The following SMOC2 variants were observed in gnomAD, a reference collection of about 807,000 sequenced individuals.
The protein encoded by SMOC2 is SPARC-related modular calcium-binding protein 2.
In SMOC2, 39 loss-of-function variants were observed where a neutral mutation model predicts 61.4. The ratio of observed to expected loss-of-function variants is 0.64; its 90% confidence interval spans 0.49 to 0.83. SMOC2 has a LOEUF of 0.83. SMOC2 is among the 40% of genes least tolerant of loss of function. SMOC2 has a pLI of 0.00. For synonymous variants in SMOC2, 247 were observed against 239.9 expected, an observed-to-expected ratio of 1.03 and a Z score of -0.27; for missense variants, 556 against 592.9, an observed-to-expected ratio of 0.94 and a Z score of 0.65.
At chr6:168,648,045 G>A (rs1014521094) in intron 9 of SMOC2, among the ~76,000 whole-genome samples, 1 of 149,298 alleles carries the variant, frequency 6.7e-6, no homozygotes, top group African/African-American at 2.6e-5. Flanking sequence ...ATCTCATTTG[G>A]GGGAATATGA....
At chr6:168,655,678 C>T (rs1039480995) in intron 11 of SMOC2, among the ~76,000 whole-genome samples, 1 of 151,560 alleles carries the variant, frequency 6.6e-6, no homozygotes, top group Non-Finnish European at 1.5e-5. Context: ...CTAGATTTCC[C>T]TCACACATGT....
chr6:168,497,907 A>ACACAGGGCTGG (rs1782631718), intron 1 of SMOC2, among the ~76,000 whole-genome samples: 1 of 152,106 alleles, frequency 6.6e-6, no homozygotes. Context: ...TTAGATGGAG[A>ACACAGGGCTGG]CACAGGGCTG....
At chr6:168,659,552 G>A (rs1181247019) in intron 11 of SMOC2, among the ~76,000 whole-genome samples, 25 of 137,930 alleles carry the variant, frequency 1.8e-4, no homozygotes, top group Admixed American at 2.1e-4. Flanking sequence ...TTGGCTGGGT[G>A]AGGATGGAGG....
chr6:168,581,650 A>T (rs1784921998), intron 7 of SMOC2, among the ~76,000 whole-genome samples: 1 of 152,240 alleles, frequency 6.6e-6, no homozygotes, highest in African/African-American at 2.4e-5. Context: ...TTCACTTTTG[A>T]TAAGAAAGGG....
intron 1 of SMOC2, among the ~76,000 whole-genome samples, chr6:168,457,153 C>T (rs772429508): frequency 2.8e-4 from 42 of 152,348 alleles, no homozygotes; most frequent in Admixed American, 1.0e-3. Flanking sequence ...CTCCCTTCCA[C>T]GGTCACCTGG....
intron 5 of SMOC2, among the ~76,000 whole-genome samples, chr6:168,546,073 A>G (rs1274885444): frequency 6.8e-6 from 1 of 147,440 alleles, no homozygotes; most frequent in Non-Finnish European, 1.5e-5. Context: ...AATTTTTTTG[A>G]AAATCTGTTT....
chr6:168,547,071 C>T (rs779426029), intron 5 of SMOC2, 48 bp from the exon 6 acceptor site: 28 of 1,612,668 alleles, frequency 1.7e-5, no homozygotes, highest in Non-Finnish European at 2.4e-5. Flanking sequence ...ACTTAACTTA[C>T]TCTCATAATT....
intron 1 of SMOC2, among the ~76,000 whole-genome samples, chr6:168,464,230 AAAAG>A (rs1279087086): frequency 2.9e-4 from 44 of 150,234 alleles, no homozygotes; most frequent in Non-Finnish European, 4.3e-4. Context: ...AGGAAGGAAG[AAAAG>A]GAAGGAAGGA....
chr6:168,449,087 A>T (rs1419686257), intron 1 of SMOC2, among the ~76,000 whole-genome samples: 23 of 152,112 alleles, frequency 1.5e-4, no homozygotes, highest in Admixed American at 1.5e-3. Context: ...CCCATCGCCC[A>T]TCTTCAGAAG....
At chr6:168,652,930 T>C in intron 10 of SMOC2, 24 bp from the exon 11 acceptor site, 1 of 1,607,750 alleles carries the variant, frequency 6.2e-7, no homozygotes, top group Non-Finnish European at 8.5e-7. Flanking sequence ...TTAAGCATCC[T>C]GACGGCATCT....
Position 168,603,419 on chromosome 6 carries a change from C to T in SMOC2, c.824+4415C>T, listed in dbSNP as rs910883203. On this transcript the variant is annotated intron_variant, in intron 8 of 12. Coordinates refer to ENST00000356284, the MANE Select transcript of SMOC2 (RefSeq NM_001166412.2). ...AATGGGGTTGGAACATCTGTCACGT[C>T]TCAGCTCCCCTGGGAAGCTGCTGGG... 5.9e-5 allele frequency among the ~76,000 whole-genome samples: 9 copies of T among 152,164 alleles called. No individual in the cohort carries two copies. The South Asian group carries it at 1.9e-3, about 32-fold the overall frequency.
chr6:168,520,156 C>T (rs1331684364), intron 2 of SMOC2, among the ~76,000 whole-genome samples: 2 of 152,170 alleles, frequency 1.3e-5, no homozygotes, highest in East Asian at 1.9e-4. Flanking sequence ...GCGCTTATCA[C>T]AGCACTTTCA....
chr6:168,579,839 T>C (rs4537111), intron 7 of SMOC2, among the ~76,000 whole-genome samples: 56,378 of 151,942 alleles, frequency 0.37, 10,542 homozygotes, highest in Middle Eastern at 0.42. Context: ...TAAATGAGTC[T>C]AAGGAGAGAA....
In SMOC2 at chr6:168,611,222, CTGTGG is replaced by C. The variant is rs879908344; in HGVS notation, c.907+2984_907+2988del. Reference sequence around the variant, plus strand: ...TATGTGGCTCCCGTGTCGGGCCTGGCTGTGGCTCCCATGTCTGGCCCTGCTCTGGT... The same window carrying C: ...TATGTGGCTCCCGTGTCGGGCCTGGCCTCCCATGTCTGGCCCTGCTCTGGT... On this transcript the variant is annotated intron_variant, in intron 9 of 12. Transcript: ENST00000356284. Among the ~76,000 whole-genome samples the C allele has an allele frequency of 1.2e-3, 168 of 144,910 alleles. 3 individuals carry two copies. In the East Asian group the frequency reaches 0.024, roughly 21 times the overall value.
chr6:168,477,750 A>T (rs1782121254), intron 1 of SMOC2, among the ~76,000 whole-genome samples: 1 of 152,238 alleles, frequency 6.6e-6, no homozygotes, highest in South Asian at 2.1e-4. Context: ...AGTACTTTGG[A>T]TGCGGTGCTC....
Position 168,558,889 on chromosome 6 carries a change from G to A in SMOC2, c.637+9686G>A, listed in dbSNP as rs182315665. 1.7e-4 allele frequency among the ~76,000 whole-genome samples: 26 copies of A among 151,448 alleles called. No homozygotes were observed. In the East Asian group the frequency reaches 3.1e-3, roughly 18 times the overall value. ...TGTGTGCATGTGTGTGCGTGTGTGC[G>A]TGTGCATGTGTGTGCACGTGTGTAT... On this transcript the variant is annotated intron_variant, in intron 7 of 12. Transcript: ENST00000356284.
intron 7 of SMOC2, among the ~76,000 whole-genome samples, chr6:168,567,280 A>G (rs1784567523): frequency 6.6e-6 from 1 of 152,250 alleles, no homozygotes; most frequent in Non-Finnish European, 1.5e-5. Flanking sequence ...AAGCATTTTC[A>G]ATCATTATGT....
At chr6:168,536,316 C>T (rs772285880) in intron 4 of SMOC2, among the ~76,000 whole-genome samples, 9 of 152,092 alleles carry the variant, frequency 5.9e-5, no homozygotes, top group African/African-American at 1.4e-4. Context: ...GGGTGAGGGA[C>T]GTCTTGCCTG....
At chr6:168,543,271 C>T (rs918005576) in intron 4 of SMOC2, among the ~76,000 whole-genome samples, 10 of 152,248 alleles carry the variant, frequency 6.6e-5, no homozygotes, top group East Asian at 1.9e-4. Flanking sequence ...ATTTTAAAAA[C>T]GTTTCCTTTT....
Sources: allele counts gnomAD v4.1 joint callset (sites outside exome capture counted in the v4.1 genomes callset), GRCh38; gene constraint gnomAD v4.1.1; transcripts MANE v1.5; gene names NCBI Gene and HGNC (gene_info 2026-07-23, HGNC 2026-07-21).